Variants in PPP4R2 observed in about 807,000 individuals in gnomAD.
PPP4R2 encodes the protein protein phosphatase 4 regulatory subunit 2, also known as serine/threonine-protein phosphatase 4 regulatory subunit 2.
In PPP4R2, 13 loss-of-function variants were observed where a neutral mutation model predicts 47.2. The observed-to-expected ratio is 0.28, with a 90% confidence interval of 0.18 to 0.44. The LOEUF (loss-of-function observed/expected upper bound fraction) is 0.44, where lower values mean the gene tolerates loss of function less well. Among genes scored for constraint, PPP4R2 ranks in the 20% least tolerant of loss-of-function variants. The pLI is 1.00. For missense variants in PPP4R2, 421 were observed against 491.2 expected (o/e 0.86, Z 1.35); for synonymous variants, 151 against 163.3 (o/e 0.92, Z 0.57).
intron 2 of PPP4R2, among the ~76,000 whole-genome samples, chr3:73,044,895 C>T (rs929506766): frequency 1.3e-5 from 2 of 152,142 alleles, no homozygotes; most frequent in African/African-American, 2.4e-5. Flanking sequence ...TCCCATTTCA[C>T]GATTTGACTT....
chr3:73,009,600 A>T (rs1404849616), intron 2 of PPP4R2, among the ~76,000 whole-genome samples: 1 of 151,472 alleles, frequency 6.6e-6, no homozygotes, highest in African/African-American at 2.5e-5. Flanking sequence ...GCTTCAAAAC[A>T]TCATTAGTAA....
At chr3:73,039,237 C>T (rs1442611166) in intron 2 of PPP4R2, among the ~76,000 whole-genome samples, 3 of 152,182 alleles carry the variant, frequency 2.0e-5, no homozygotes, top group South Asian at 2.1e-4. Context: ...GATTCTCCTG[C>T]CTCAGCCTCC....
intron 2 of PPP4R2, among the ~76,000 whole-genome samples, chr3:73,011,087 A>G (rs1401666926): frequency 1.3e-5 from 2 of 152,152 alleles, no homozygotes; most frequent in African/African-American, 4.8e-5. Context: ...TGTAATTTGC[A>G]TTTTATTAAT....
chr3:73,006,004 G>A (rs1701602493), intron 2 of PPP4R2, among the ~76,000 whole-genome samples: 1 of 152,046 alleles, frequency 6.6e-6, no homozygotes, highest in Non-Finnish European at 1.5e-5. Context: ...ATGCCCCATT[G>A]TAATCTTCCC....
chr3:73,012,451 C>G (rs1481615684), intron 2 of PPP4R2, among the ~76,000 whole-genome samples: 1 of 152,108 alleles, frequency 6.6e-6, no homozygotes, highest in African/African-American at 2.4e-5. Flanking sequence ...GAGCGCCTGC[C>G]ACCACACCTG....
chr3:73,051,148 C>T (rs1379655172), intron 3 of PPP4R2, among the ~76,000 whole-genome samples: 2 of 152,194 alleles, frequency 1.3e-5, no homozygotes, highest in Non-Finnish European at 2.9e-5. Context: ...TTCCAGACCT[C>T]AGGTGATCCA....
At chr3:73,026,329 G>A (rs145794988) in intron 2 of PPP4R2, among the ~76,000 whole-genome samples, 1 of 152,002 alleles carries the variant, frequency 6.6e-6, no homozygotes, top group East Asian at 1.9e-4. Flanking sequence ...CTTTTCCTTT[G>A]TGTACATTTT....
intron 2 of PPP4R2, among the ~76,000 whole-genome samples, chr3:73,005,224 A>C (rs1009366080): frequency 3.9e-5 from 6 of 152,040 alleles, no homozygotes; most frequent in Non-Finnish European, 8.8e-5. Context: ...TACAGGTGTG[A>C]GCCACTGCGC....
intron 2 of PPP4R2, among the ~76,000 whole-genome samples, chr3:73,045,219 C>T (rs1447820302): frequency 1.3e-5 from 2 of 152,126 alleles, no homozygotes; most frequent in African/African-American, 2.4e-5. Context: ...CCCAGGCTGG[C>T]TTCCAACTCC....
intron 2 of PPP4R2, among the ~76,000 whole-genome samples, chr3:73,025,261 A>G (rs985437204): frequency 1.3e-5 from 2 of 152,200 alleles, no homozygotes; most frequent in Admixed American, 6.5e-5. Flanking sequence ...TAAAATTATT[A>G]TCTTAAAACT....
chr3:73,063,816 A>C, intron 6 of PPP4R2, 69 bp downstream of exon 6: 2 of 1,235,930 alleles, frequency 1.6e-6, no homozygotes, highest in East Asian at 4.6e-5. Flanking sequence ...GGCTTAGTGT[A>C]CTTTTTAAAA....
At chr3:73,015,677 G>A (rs1245916368) in intron 2 of PPP4R2, 8 of 195,690 alleles carry the variant, frequency 4.1e-5, no homozygotes, top group African/African-American at 1.3e-4. Context: ...TCGCTGTGTC[G>A]CCCAGACTGG....
Position 73,050,335 on chromosome 3 carries a change from C to G in PPP4R2, c.287+2979C>G, listed in dbSNP as rs577123043. Among the ~76,000 whole-genome samples, 10 of 152,152 alleles carry G rather than the reference C, an allele frequency of 6.6e-5. No individual in the cohort carries two copies. The South Asian group carries it at 1.5e-3, about 22-fold the overall frequency. ...TTCTCTGAGCAGGCAGAATCTAAGT[C>G]TTATTTAATCAGTGATACATCAAGA... On this transcript the variant is annotated intron_variant, in intron 3 of 8. Transcript: ENST00000356692.
chr3:73,007,688 C>T (rs1701640257), intron 2 of PPP4R2, among the ~76,000 whole-genome samples: 1 of 152,084 alleles, frequency 6.6e-6, no homozygotes, highest in Admixed American at 6.6e-5. Flanking sequence ...GGGGTTTCAC[C>T]ATGTTGGCCA....
chr3:73,022,678 CATT>C (rs907837030), intron 2 of PPP4R2, among the ~76,000 whole-genome samples: 6 of 151,924 alleles, frequency 3.9e-5, no homozygotes, highest in African/African-American at 9.7e-5. Flanking sequence ...TAAATATCAT[CATT>C]ATGTTTTTCT....
At position 73,065,136 on chromosome 3, in the gene PPP4R2, A is replaced by G; in HGVS notation, c.923A>G (p.Glu308Gly). 6.2e-7 allele frequency: 1 copy of G among 1,606,640 alleles called. No homozygotes were observed. Among genetic ancestry groups the G allele is most frequent in the South Asian group, 1.1e-5 (1 of 89,714 alleles). The change falls in exon 8 of 9, where the codon GAA becomes GGA. Residue 308 changes from glutamate (E) to glycine (G), a missense_variant. Physicochemically the swap from Glu to Gly is moderately conservative, Grantham distance 98. This residue lies in a region of PPP4R2 where 317 missense variants were observed against 287.5 expected (regional missense o/e 1.10). Coordinates refer to ENST00000356692, the MANE Select transcript of PPP4R2 (RefSeq NM_174907.4). Reference sequence around the variant, plus strand: ...GATGAAGAAGAGGATGAAGAGGAAGAAGAAGGTATTTAGAGACCATCTGTA... The same window carrying G: ...GATGAAGAAGAGGATGAAGAGGAAGGAGAAGGTATTTAGAGACCATCTGTA... Reference protein sequence around the residue: ...EEDEEEDEEEEEESFMTSREM... With the variant: ...EEDEEEDEEEGEESFMTSREM...
At chr3:73,039,315 G>C (rs1239691106) in intron 2 of PPP4R2, among the ~76,000 whole-genome samples, 1 of 152,042 alleles carries the variant, frequency 6.6e-6, no homozygotes, top group East Asian at 1.9e-4. Flanking sequence ...TAGAAATGGG[G>C]TTTCACCATG....
intron 2 of PPP4R2, among the ~76,000 whole-genome samples, chr3:73,026,683 C>T (rs1329325264): frequency 7.0e-6 from 1 of 143,750 alleles, no homozygotes; most frequent in Non-Finnish European, 1.5e-5. Context: ...TTTCTTGAAA[C>T]ATTATGAGAT....
At chr3:73,004,952 T>C (rs1451778151) in intron 2 of PPP4R2, among the ~76,000 whole-genome samples, 2 of 81,926 alleles carry the variant, frequency 2.4e-5, no homozygotes, top group Non-Finnish European at 4.4e-5. Flanking sequence ...GTCGTGTGTG[T>C]GTGTGTGTGT....
Sources: gnomAD v4.1 joint callset for allele counts (sites outside exome capture counted in the v4.1 genomes callset) on GRCh38, gnomAD v4.1.1 for gene constraint, gnomAD v4.1.1 regional missense constraint, MANE v1.5 for transcripts, NCBI Gene and HGNC (gene_info 2026-07-23, HGNC 2026-07-21) for gene names.